Variants in DPP6 observed in about 807,000 individuals in gnomAD.
DPP6 encodes dipeptidyl peptidase like 6.
A neutral mutation model predicts 122.6 loss-of-function variants in DPP6; 69 were observed. That is an observed-to-expected ratio of 0.56 (90% CI 0.46 to 0.69). The LOEUF is 0.69. DPP6 is among the 30% of genes least tolerant of loss of function. The probability of loss-of-function intolerance (pLI) is 0.00; values close to 1 mark genes in which losing one functional copy is unlikely to be tolerated. For missense variants in DPP6, 928 were observed against 1,116.9 expected (o/e 0.83, Z 2.41); for synonymous variants, 418 against 433.1 (o/e 0.97, Z 0.43).
At chr7:154,632,835 G>A (rs1325168479) in intron 5 of DPP6, among the ~76,000 whole-genome samples, 1 of 152,140 alleles carries the variant, frequency 6.6e-6, no homozygotes, top group African/African-American at 2.4e-5. Context: ...GAGAAGGAGG[G>A]GAGAGGGTAG....
intron 7 of DPP6, among the ~76,000 whole-genome samples, chr7:154,712,310 G>A (rs1039053661): frequency 1.3e-5 from 2 of 152,136 alleles, no homozygotes; most frequent in African/African-American, 2.4e-5. Flanking sequence ...ATTCCATATT[G>A]TATACCTCAT....
chr7:154,764,054 C>G (rs1051066181), intron 8 of DPP6, among the ~76,000 whole-genome samples: 1 of 152,166 alleles, frequency 6.6e-6, no homozygotes, highest in Non-Finnish European at 1.5e-5. Flanking sequence ...CCTCTATGCC[C>G]TGGGCACTGC....
intron 1 of DPP6, among the ~76,000 whole-genome samples, chr7:154,395,437 C>T (rs1814996630): frequency 6.6e-6 from 1 of 152,178 alleles, no homozygotes; most frequent in Non-Finnish European, 1.5e-5. Context: ...TTCAGCAAGG[C>T]TTTGTAGTTT....
intron 6 of DPP6, among the ~76,000 whole-genome samples, chr7:154,664,274 C>T (rs1837998398): frequency 6.6e-6 from 1 of 152,192 alleles, no homozygotes; most frequent in African/African-American, 2.4e-5. Context: ...CGTATTGGCC[C>T]TAGTGTTCAT....
intron 1 of DPP6, among the ~76,000 whole-genome samples, chr7:154,064,679 A>C (rs1802559414): frequency 1.3e-5 from 2 of 152,256 alleles, no homozygotes; most frequent in South Asian, 4.1e-4. Flanking sequence ...GTTAATCTCA[A>C]GCAGATAGCA....
intron 1 of DPP6, among the ~76,000 whole-genome samples, chr7:154,147,222 G>A (rs1333272904): frequency 0.06 from 8,941 of 149,326 alleles, no homozygotes; most frequent in African/African-American, 0.2. Flanking sequence ...GAGGTCAGAA[G>A]GGTCTCCATG....
intron 1 of DPP6, among the ~76,000 whole-genome samples, chr7:154,337,711 CA>C: frequency 6.6e-6 from 1 of 152,278 alleles, no homozygotes; most frequent in Admixed American, 6.5e-5. Flanking sequence ...AACCAGAACG[CA>C]AGGGATAAAA....
At chr7:153,898,091 A>G (rs968888256) in intron 1 of DPP6, among the ~76,000 whole-genome samples, 6 of 152,210 alleles carry the variant, frequency 3.9e-5, no homozygotes, top group Non-Finnish European at 8.8e-5. Context: ...GATAGAAGGA[A>G]TAAGTTCTCA....
At chr7:153,846,839 C>T in the DPP6 span, among the ~76,000 whole-genome samples, 2 of 151,820 alleles carry the variant, frequency 1.3e-5, no homozygotes, top group Non-Finnish European at 2.9e-5. Flanking sequence ...ACTACAGGCA[C>T]CTGCCACCAC....
At chr7:154,883,287 TACAC>T (rs774640612) in intron 21 of DPP6, among the ~76,000 whole-genome samples, 46,696 of 138,498 alleles carry the variant, frequency 0.34, 8,049 homozygotes, top group Middle Eastern at 0.53. Context: ...TGCTCACACA[TACAC>T]ACACATGCTC....
intron 7 of DPP6, among the ~76,000 whole-genome samples, chr7:154,672,412 CAT>C (rs1838624269): frequency 6.6e-6 from 1 of 152,184 alleles, no homozygotes; most frequent in African/African-American, 2.4e-5. Flanking sequence ...GCCCAGTACA[CAT>C]TTGTTGAGGT....
At chr7:154,879,570 G>A (rs1174425013) in intron 20 of DPP6, among the ~76,000 whole-genome samples, 2 of 81,522 alleles carry the variant, frequency 2.5e-5, no homozygotes, top group Admixed American at 1.8e-4. Flanking sequence ...CAGCCTGGGC[G>A]ACAGCGAGAC....
At chr7:154,416,100 A>G in intron 1 of DPP6, among the ~76,000 whole-genome samples, 1 of 152,032 alleles carries the variant, frequency 6.6e-6, no homozygotes, top group East Asian at 1.9e-4. Context: ...TAAATTGCAC[A>G]CTGTTCTGAG....
At chr7:154,744,691 G>T (rs1338032718) in intron 8 of DPP6, among the ~76,000 whole-genome samples, 1 of 152,226 alleles carries the variant, frequency 6.6e-6, no homozygotes, top group East Asian at 1.9e-4. Context: ...CAGGAAAAAG[G>T]CAACAGATGC....
intron 1 of DPP6, among the ~76,000 whole-genome samples, chr7:154,284,240 T>C (rs1366484490): frequency 6.6e-6 from 1 of 152,130 alleles, no homozygotes; most frequent in Non-Finnish European, 1.5e-5. Context: ...ATGGACTAAT[T>C]GTTGCTGGAT....
rs768574313 is a variant in DPP6, at chr7:154,637,835, G to A, written c.642G>A (p.Ser214=). 4.9e-5 allele frequency: 77 copies of A among 1,582,304 alleles called. No homozygotes were observed. Among genetic ancestry groups the A allele is most frequent in the Middle Eastern group, 1.7e-4 (1 of 6,040 alleles). ...GTCTGTTGCAGATATATCAACACTC[G>A]TATACTGGATATTACGTCCTGAGCA... ...SYNVEPIYQH[S]YTGYYVLSKI... The change falls in exon 6 of 26, where the codon TCG becomes TCA. Residue 214 remains serine (S), a synonymous_variant. Coordinates refer to ENST00000377770, the MANE Select transcript of DPP6 (RefSeq NM_130797.4).
chr7:153,979,392 T>C (rs1473905779), intron 1 of DPP6, among the ~76,000 whole-genome samples: 2 of 152,212 alleles, frequency 1.3e-5, no homozygotes, highest in African/African-American at 4.8e-5. Flanking sequence ...TGCACATTGA[T>C]TTTTGTATCC....
In DPP6 at chr7:154,807,138, C is replaced by T. The variant is rs370888450; in HGVS notation, c.1666+26C>T. On this transcript the variant is annotated intron_variant, in intron 16 of 25. Coordinates refer to ENST00000377770, the MANE Select transcript of DPP6 (RefSeq NM_130797.4). ...GTCAGCTCCTGCCACCCCGTCAGGG[C>T]AAAGAGCCCTGGCAGGCACATTTGC... 3.2e-6 allele frequency: 5 copies of T among 1,580,080 alleles called. No homozygotes were observed. In the African/African-American group the frequency reaches 6.7e-5, roughly 21 times the overall value.
chr7:154,053,942 G>A (rs1800607708), intron 1 of DPP6, among the ~76,000 whole-genome samples: 1 of 148,450 alleles, frequency 6.7e-6, no homozygotes, highest in Non-Finnish European at 1.5e-5. Flanking sequence ...TTTCAAGGAT[G>A]CAGAGGGCTG....
Sources: allele counts gnomAD v4.1 joint callset (sites outside exome capture counted in the v4.1 genomes callset), GRCh38; gene constraint gnomAD v4.1.1; transcripts MANE v1.5; gene names NCBI Gene and HGNC (gene_info 2026-07-23, HGNC 2026-07-21).